The following TMEM132D variants were observed in gnomAD, a reference collection of about 807,000 sequenced individuals.
TMEM132D encodes mature OL transmembrane protein.
A neutral mutation model predicts 62.3 loss-of-function variants in TMEM132D; 21 were observed. That is an observed-to-expected ratio of 0.34 (90% confidence interval 0.24 to 0.49). TMEM132D has a LOEUF of 0.49. Ranked by LOEUF, TMEM132D falls within the 20% of genes least tolerant of loss-of-function variation. TMEM132D has a pLI of 0.99. For synonymous variants in TMEM132D, 621 were observed against 575.6 expected, an observed-to-expected ratio of 1.08 and a Z score of -1.13; for missense variants, 1,346 against 1,402.8, an observed-to-expected ratio of 0.96 and a Z score of 0.65.
At chr12:129,702,476 A>G (rs117195281) in intron 1 of TMEM132D, among the ~76,000 whole-genome samples, 2,545 of 152,340 alleles carry the variant, frequency 0.017, 102 homozygotes, top group East Asian at 0.13. Context: ...AGAAGAGACA[A>G]AGAATATTTC....
intron 2 of TMEM132D, among the ~76,000 whole-genome samples, chr12:129,615,108 C>T (rs1277106921): frequency 6.6e-6 from 1 of 152,164 alleles, no homozygotes; most frequent in East Asian, 1.9e-4. Flanking sequence ...AGATTGGACA[C>T]TGCTATCTAC....
intron 5 of TMEM132D, chr12:129,112,980 T>A (rs540732575): frequency 6.6e-6 from 1 of 152,382 alleles, no homozygotes; most frequent in East Asian, 1.9e-4. Flanking sequence ...GCTATTGCTA[T>A]TGAGGGCAGA....
intron 2 of TMEM132D, among the ~76,000 whole-genome samples, chr12:129,598,205 G>A (rs1417128016): frequency 1.3e-5 from 2 of 152,214 alleles, no homozygotes; most frequent in African/African-American, 4.8e-5. Flanking sequence ...CATCTTCCAT[G>A]AGGAAAAGGC....
chr12:129,604,879 T>C (rs544333284), intron 2 of TMEM132D, among the ~76,000 whole-genome samples: 10 of 152,266 alleles, frequency 6.6e-5, no homozygotes, highest in Non-Finnish European at 1.5e-4. Flanking sequence ...ACAATACAAA[T>C]GCATACCTTA....
intron 1 of TMEM132D, among the ~76,000 whole-genome samples, chr12:129,826,816 G>A (rs2137329875): frequency 6.6e-6 from 1 of 152,244 alleles, no homozygotes; most frequent in Admixed American, 6.5e-5. Flanking sequence ...GCAGGTGTGG[G>A]GAGAAGCTTC....
chr12:129,302,681 T>A (rs926757414), intron 4 of TMEM132D, among the ~76,000 whole-genome samples: 2 of 152,198 alleles, frequency 1.3e-5, no homozygotes, highest in Non-Finnish European at 2.9e-5. Context: ...ATTTTTCTCA[T>A]AATCATGGCA....
intron 4 of TMEM132D, among the ~76,000 whole-genome samples, chr12:129,227,703 C>A (rs1879519275): frequency 6.6e-6 from 1 of 151,882 alleles, no homozygotes; most frequent in South Asian, 2.1e-4. Flanking sequence ...CACCCATTAA[C>A]TCATCATTTA....
At chr12:129,829,530 AG>A (rs1163497479) in intron 1 of TMEM132D, among the ~76,000 whole-genome samples, 2 of 152,282 alleles carry the variant, frequency 1.3e-5, no homozygotes, top group East Asian at 3.9e-4. Context: ...ACCCAAACTC[AG>A]GGCCTCCTTG....
At chr12:129,537,209 A>G (rs921056579) in intron 2 of TMEM132D, among the ~76,000 whole-genome samples, 1 of 150,864 alleles carries the variant, frequency 6.6e-6, no homozygotes, top group Non-Finnish European at 1.5e-5. Context: ...TTTTATGTTT[A>G]TAAACTTTAC....
intron 2 of TMEM132D, among the ~76,000 whole-genome samples, chr12:129,634,436 T>G (rs2102530): frequency 0.24 from 35,022 of 148,322 alleles, 5,009 homozygotes; most frequent in Non-Finnish European, 0.33. Context: ...ATTGTGCCAA[T>G]GTACTCAAGC....
intron 5 of TMEM132D, among the ~76,000 whole-genome samples, chr12:129,178,544 C>T (rs1049843174): frequency 2.6e-5 from 4 of 150,972 alleles, no homozygotes; most frequent in African/African-American, 9.8e-5. Context: ...CTGACTCTTA[C>T]AAAATTAATA....
chr12:129,586,219 G>A (rs1878026587), intron 2 of TMEM132D, among the ~76,000 whole-genome samples: 1 of 152,100 alleles, frequency 6.6e-6, no homozygotes, highest in South Asian at 2.1e-4. Context: ...AATGTGATGG[G>A]AATCATGTAA....
At chr12:129,430,111 C>A (rs942693860) in intron 3 of TMEM132D, among the ~76,000 whole-genome samples, 1 of 152,146 alleles carries the variant, frequency 6.6e-6, no homozygotes, top group Non-Finnish European at 1.5e-5. Context: ...AATGGGATGG[C>A]TGGGTCAAAC....
intron 3 of TMEM132D, among the ~76,000 whole-genome samples, chr12:129,490,948 G>C (rs12296350): frequency 0.013 from 1,929 of 152,100 alleles, 34 homozygotes; most frequent in African/African-American, 0.044. Flanking sequence ...GATCCGGCAC[G>C]TTGCTCTGTG....
intron 4 of TMEM132D, among the ~76,000 whole-genome samples, chr12:129,317,875 T>C (rs1242857616): frequency 6.6e-6 from 1 of 152,208 alleles, no homozygotes; most frequent in Non-Finnish European, 1.5e-5. Context: ...TGGGTTGGGT[T>C]AATTCAAAGA....
intron 5 of TMEM132D, among the ~76,000 whole-genome samples, chr12:129,141,232 G>C (rs1876733396): frequency 6.6e-6 from 1 of 152,208 alleles, no homozygotes; most frequent in Non-Finnish European, 1.5e-5. Flanking sequence ...AGCCTGGTCA[G>C]ATGGGAAATT....
At chr12:129,299,633 T>TG (rs1326277096) in intron 4 of TMEM132D, among the ~76,000 whole-genome samples, 1 of 151,498 alleles carries the variant, frequency 6.6e-6, no homozygotes, top group East Asian at 1.9e-4. Context: ...ATCAGGTTTT[T>TG]TTTTTTTTTT....
At chr12:129,749,623 A>T (rs1593146605) in intron 1 of TMEM132D, among the ~76,000 whole-genome samples, 1 of 149,990 alleles carries the variant, frequency 6.7e-6, no homozygotes, top group Admixed American at 6.6e-5. Flanking sequence ...TGCCCCACTA[A>T]TTTTTTTTTG....
At chr12:129,709,768 C>G (rs906389112) in intron 1 of TMEM132D, among the ~76,000 whole-genome samples, 10 of 152,082 alleles carry the variant, frequency 6.6e-5, no homozygotes, top group African/African-American at 1.9e-4. Context: ...TTATTATTGA[C>G]TGAATAAAGA....
Sources: allele counts gnomAD v4.1 joint callset (sites outside exome capture counted in the v4.1 genomes callset), GRCh38; gene constraint gnomAD v4.1.1; transcripts MANE v1.5; gene names NCBI Gene and HGNC (gene_info 2026-07-23, HGNC 2026-07-21).